The following MAP4K4 variants were observed in gnomAD, a reference collection of about 807,000 sequenced individuals.
The protein encoded by MAP4K4 is HPK/GCK-like kinase HGK.
MAP4K4 carries 38 observed loss-of-function variants against 189.6 expected under a neutral mutation model. That is an observed-to-expected ratio of 0.20 (90% CI 0.15 to 0.26). The LOEUF (loss-of-function observed/expected upper bound fraction) is 0.26, where lower values mean the gene tolerates loss of function less well. Among genes scored for constraint, MAP4K4 ranks in the 10% least tolerant of loss-of-function variants. The probability of loss-of-function intolerance (pLI) is 1.00; values close to 1 mark genes in which losing one functional copy is unlikely to be tolerated. For synonymous variants in MAP4K4, 610 were observed against 624.3 expected (o/e 0.98, Z 0.34); for missense variants, 1,054 against 1,726.9 (o/e 0.61, Z 6.91).
At chr2:101,763,274 C>T (rs1327055931) in intron 2 of MAP4K4, among the ~76,000 whole-genome samples, 2 of 152,214 alleles carry the variant, frequency 1.3e-5, no homozygotes, top group Admixed American at 6.5e-5. Context: ...TGGATAAAGG[C>T]GCTGTTCTCA....
chr2:101,767,029 G>A (rs2078918541), intron 2 of MAP4K4, among the ~76,000 whole-genome samples: 2 of 152,308 alleles, frequency 1.3e-5, no homozygotes, highest in Non-Finnish European at 1.5e-5. Flanking sequence ...TGTAAATGAA[G>A]TAGTGGCCTG....
At chr2:101,709,748 A>G (rs1198580233) in intron 2 of MAP4K4, among the ~76,000 whole-genome samples, 2 of 152,244 alleles carry the variant, frequency 1.3e-5, no homozygotes, top group Admixed American at 6.5e-5. Flanking sequence ...AAAATATGTT[A>G]TCTTTGGTCA....
chr2:101,813,521 G>T lies in MAP4K4; in HGVS notation c.181-10407G>T, dbSNP rs576923994. Among the ~76,000 whole-genome samples, 3 of 152,224 alleles carry T rather than the reference G, an allele frequency of 2.0e-5. No individual in the cohort carries two copies. The South Asian group carries it at 6.2e-4, about 32-fold the overall frequency. On this transcript the variant is annotated intron_variant, in intron 3 of 32. Transcript: ENST00000324219. ...AGATCATTGGTTGTCTTCTCCCTCA[G>T]TCTTTTTGGTATCTGTGAATTTTTG...
intron 2 of MAP4K4, among the ~76,000 whole-genome samples, chr2:101,721,529 G>A (rs1002918998): frequency 2.0e-5 from 3 of 149,802 alleles, no homozygotes; most frequent in South Asian, 2.1e-4. Context: ...TCCGCCTCCC[G>A]GGTTCAAGCG....
chr2:101,841,614 A>G (rs1001663415), intron 10 of MAP4K4, among the ~76,000 whole-genome samples: 30 of 152,012 alleles, frequency 2.0e-4, no homozygotes, highest in African/African-American at 7.0e-4. Context: ...GATTATAGGC[A>G]TGTACCACCA....
intron 3 of MAP4K4, among the ~76,000 whole-genome samples, chr2:101,801,381 A>G (rs1172891607): frequency 6.6e-6 from 1 of 152,210 alleles, no homozygotes; most frequent in Non-Finnish European, 1.5e-5. Context: ...CAGACTTCCC[A>G]GAGTCCTATC....
At chr2:101,889,021 T>A in intron 32 of MAP4K4, 86 bp downstream of exon 32, 1 of 1,203,314 alleles carries the variant, frequency 8.3e-7, no homozygotes, top group Non-Finnish European at 1.1e-6. Flanking sequence ...TTAATTTCCT[T>A]GGAGTTTTGA....
At position 101,882,698 on chromosome 2, in the gene MAP4K4, A is replaced by G. The variant is rs2098418201; in HGVS notation, c.3520+13A>G. 1.3e-6 allele frequency: 2 copies of G among 1,537,272 alleles called. No individual in the cohort carries two copies. Among genetic ancestry groups the G allele is most frequent in the South Asian group, 2.5e-5 (2 of 80,010 alleles). On this transcript the variant is annotated intron_variant, in intron 28 of 32. Coordinates refer to ENST00000324219, the Ensembl canonical transcript of MAP4K4. Reference sequence around the variant, plus strand: ...CATTATAAAGTTGGTAAGTTCTAGAAGCGTCATATTTTGTTTTTCCAGAGT... The same window carrying G: ...CATTATAAAGTTGGTAAGTTCTAGAGGCGTCATATTTTGTTTTTCCAGAGT...
intron 8 of MAP4K4, among the ~76,000 whole-genome samples, chr2:101,835,275 A>G (rs2096716607): frequency 6.6e-6 from 1 of 152,212 alleles, no homozygotes; most frequent in South Asian, 2.1e-4. Flanking sequence ...CTCATTGCCC[A>G]GATGCCTTGT....
intron 2 of MAP4K4, among the ~76,000 whole-genome samples, chr2:101,742,161 C>T (rs1221237748): frequency 2.6e-5 from 4 of 152,170 alleles, no homozygotes; most frequent in Non-Finnish European, 4.4e-5. Flanking sequence ...GAGTCCCGCA[C>T]TCTTGGGTTG....
intron 12 of MAP4K4, among the ~76,000 whole-genome samples, chr2:101,852,965 C>T (rs2097333738): frequency 6.6e-6 from 1 of 152,236 alleles, no homozygotes. Flanking sequence ...TGGTGGCAGA[C>T]ACACTTATTA....
chr2:101,862,020 A>C (rs549666647), intron 16 of MAP4K4: 1 of 151,840 alleles, frequency 6.6e-6, no homozygotes, highest in East Asian at 1.9e-4. Context: ...AGATCACCTG[A>C]GGTCAGGAGT....
intron 12 of MAP4K4, among the ~76,000 whole-genome samples, chr2:101,844,634 TG>T (rs1364224779): frequency 6.6e-6 from 1 of 152,224 alleles, no homozygotes; most frequent in Non-Finnish European, 1.5e-5. Flanking sequence ...TTTTGCATTA[TG>T]GTTTAAGTTG....
intron 2 of MAP4K4, among the ~76,000 whole-genome samples, chr2:101,788,882 A>C (rs2092302511): frequency 6.6e-6 from 1 of 152,270 alleles, no homozygotes; most frequent in Admixed American, 6.5e-5. Context: ...AAAAAAGAAA[A>C]AAAAAGATCC....
intron 3 of MAP4K4, among the ~76,000 whole-genome samples, chr2:101,811,054 T>C (rs146078149): frequency 6.6e-6 from 1 of 152,244 alleles, no homozygotes; most frequent in Non-Finnish European, 1.5e-5. Flanking sequence ...TTTATTTTAC[T>C]AAGTTTAGTT....
At chr2:101,715,449 TTACTC>T (rs1341577288) in intron 2 of MAP4K4, among the ~76,000 whole-genome samples, 1 of 152,186 alleles carries the variant, frequency 6.6e-6, no homozygotes, top group Admixed American at 6.5e-5. Flanking sequence ...GAAAATAACT[TTACTC>T]TAAAGTGCTA....
chr2:101,853,825 G>T (rs910488630), intron 12 of MAP4K4, among the ~76,000 whole-genome samples: 3 of 152,100 alleles, frequency 2.0e-5, no homozygotes, highest in African/African-American at 7.2e-5. Flanking sequence ...AATGGGTCCT[G>T]TACTAAGTAT....
chr2:101,762,400 AG>A (rs1463073068), intron 2 of MAP4K4, among the ~76,000 whole-genome samples: 1 of 152,166 alleles, frequency 6.6e-6, no homozygotes, highest in Admixed American at 6.5e-5. Context: ...TGGGCAGTGA[AG>A]ATTTTTCCTT....
At chr2:101,891,735 T>A (rs984549964) in exon 33 of MAP4K4, 1 of 153,602 alleles carries the variant, frequency 6.5e-6, no homozygotes, top group African/African-American at 2.4e-5. Context: ...ACAGTGTATT[T>A]AATTGACATT....
Sources: gnomAD v4.1 joint callset for allele counts (sites outside exome capture counted in the v4.1 genomes callset) on GRCh38, gnomAD v4.1.1 for gene constraint, MANE v1.5 for transcripts, NCBI Gene and HGNC (gene_info 2026-07-23, HGNC 2026-07-21) for gene names.